SEMA6D: variants seen among roughly 807,000 people sequenced by gnomAD.
The protein encoded by SEMA6D is semaphorin 6D.
Under a neutral mutation model 106.6 loss-of-function variants are expected in SEMA6D, and 35 were observed. The observed-to-expected ratio is 0.33, with a 90% CI of 0.25 to 0.44. SEMA6D has a LOEUF of 0.44. Ranked by LOEUF, SEMA6D falls within the 20% of genes least tolerant of loss-of-function variation. SEMA6D has a pLI of 1.00. For synonymous variants in SEMA6D, 499 were observed against 487.7 expected (o/e 1.02, Z -0.31); for missense variants, 1,185 against 1,345.9 (o/e 0.88, Z 1.87).
intron 1 of SEMA6D, chr15:47,338,920 A>G (rs1397230717): frequency 6.6e-6 from 1 of 152,170 alleles, no homozygotes; most frequent in East Asian, 1.9e-4. Context: ...GCACCATACC[A>G]TAGAGGAAGG....
At chr15:47,761,860 G>A in intron 7 of SEMA6D, 109 bp downstream of exon 7, 1 of 954,808 alleles carries the variant, frequency 1.0e-6, no homozygotes, top group East Asian at 2.5e-5. Flanking sequence ...CTTGATCTAA[G>A]TGTTCGAAAG....
At chr15:47,255,823 T>A (rs1352440741) in intron 1 of SEMA6D, among the ~76,000 whole-genome samples, 4 of 152,222 alleles carry the variant, frequency 2.6e-5, no homozygotes, top group African/African-American at 7.2e-5. Context: ...ATAATTTTGT[T>A]TTACATACAT....
intron 2 of SEMA6D, among the ~76,000 whole-genome samples, chr15:47,466,743 G>T (rs1174633209): frequency 3.0e-4 from 44 of 147,956 alleles, no homozygotes; most frequent in African/African-American, 1.0e-3. Context: ...TTTTTTTTTG[G>T]AAATGGAGTC....
intron 4 of SEMA6D, among the ~76,000 whole-genome samples, chr15:47,686,530 A>T (rs1367519718): frequency 6.6e-6 from 1 of 152,232 alleles, no homozygotes; most frequent in Admixed American, 6.5e-5. Context: ...CTAAGTTGCT[A>T]ACATTATGGA....
At chr15:47,188,509 A>T (rs1467659673) in intron 1 of SEMA6D, among the ~76,000 whole-genome samples, 1 of 152,150 alleles carries the variant, frequency 6.6e-6, no homozygotes, top group Non-Finnish European at 1.5e-5. Flanking sequence ...AGTATTTTTA[A>T]TCTCAGGGGT....
chr15:47,593,361 G>A (rs1476394331), intron 3 of SEMA6D, among the ~76,000 whole-genome samples: 2 of 125,486 alleles, frequency 1.6e-5, no homozygotes, highest in East Asian at 2.4e-4. Flanking sequence ...AGCTGAGATC[G>A]CACCACTGCA....
At chr15:47,470,566 C>A (rs2042805907) in intron 3 of SEMA6D, 1 of 151,832 alleles carries the variant, frequency 6.6e-6, no homozygotes, top group Non-Finnish European at 1.5e-5. Context: ...AACTTTTTTG[C>A]AATTATGTCT....
chr15:47,577,858 G>C (rs1483841476), intron 3 of SEMA6D, among the ~76,000 whole-genome samples: 1 of 148,956 alleles, frequency 6.7e-6, no homozygotes, highest in African/African-American at 2.5e-5. Flanking sequence ...AAGTGAAAGG[G>C]AAGATATGTG....
chr15:47,300,731 A>G (rs1030819403), intron 1 of SEMA6D, among the ~76,000 whole-genome samples: 1 of 152,118 alleles, frequency 6.6e-6, no homozygotes, highest in Non-Finnish European at 1.5e-5. Context: ...GTGGACTTGC[A>G]TTTCCCCTGG....
chr15:47,270,396 A>G (rs2034503736), intron 1 of SEMA6D, among the ~76,000 whole-genome samples: 1 of 151,932 alleles, frequency 6.6e-6, no homozygotes, highest in South Asian at 2.1e-4. Context: ...CTACATAGAT[A>G]ATCATACCAT....
intron 1 of SEMA6D, among the ~76,000 whole-genome samples, chr15:47,236,197 A>C (rs2032527473): frequency 1.3e-5 from 2 of 152,106 alleles, no homozygotes; most frequent in Non-Finnish European, 2.9e-5. Context: ...AGGGAGAATC[A>C]TGTTCTTAGA....
chr15:47,250,328 A>AAC (rs2033441443), intron 1 of SEMA6D, among the ~76,000 whole-genome samples: 1 of 150,894 alleles, frequency 6.6e-6, no homozygotes, highest in Non-Finnish European at 1.5e-5. Flanking sequence ...AGAGCATTAA[A>AAC]AGAGAGAGAG....
At chr15:47,302,989 G>A (rs1451663452) in intron 1 of SEMA6D, among the ~76,000 whole-genome samples, 2 of 152,214 alleles carry the variant, frequency 1.3e-5, no homozygotes, top group African/African-American at 4.8e-5. Flanking sequence ...AATTCATGGC[G>A]AGGACACACC....
At chr15:47,767,672 T>C (rs2082416756) in intron 17 of SEMA6D, among the ~76,000 whole-genome samples, 1 of 152,214 alleles carries the variant, frequency 6.6e-6, no homozygotes, top group Non-Finnish European at 1.5e-5. Flanking sequence ...TGTACCTGTT[T>C]GGAGCCTCCT....
chr15:47,318,356 T>C (rs12904043), intron 1 of SEMA6D, among the ~76,000 whole-genome samples: 127,495 of 129,176 alleles, frequency 0.99, 62,936 homozygotes, highest in Middle Eastern at 1. Flanking sequence ...CATGCTGGTG[T>C]GCTGTACCCA....
At chr15:47,560,396 T>C (rs1226044646) in intron 3 of SEMA6D, among the ~76,000 whole-genome samples, 1 of 151,876 alleles carries the variant, frequency 6.6e-6, no homozygotes, top group African/African-American at 2.4e-5. Context: ...CAAAAGAGAA[T>C]TCTAGAGTTG....
chr15:47,393,609 G>A (rs890249998), intron 1 of SEMA6D: 25 of 152,154 alleles, frequency 1.6e-4, no homozygotes, highest in African/African-American at 5.8e-4. Flanking sequence ...TACAGCTTAT[G>A]TATAGGCCTT....
chr15:47,727,557 C>T (rs369561901), intron 1 of SEMA6D, among the ~76,000 whole-genome samples: 15 of 152,304 alleles, frequency 9.8e-5, no homozygotes, highest in African/African-American at 2.9e-4. Flanking sequence ...AGACCTCTTG[C>T]CTACGGCACG....
At chr15:47,605,767 T>C (rs1004489148) in intron 4 of SEMA6D, among the ~76,000 whole-genome samples, 2 of 152,168 alleles carry the variant, frequency 1.3e-5, no homozygotes, top group Admixed American at 6.5e-5. Context: ...TCATAGAAGG[T>C]ATGGGGGTTG....
Sources: gnomAD v4.1 joint callset for allele counts (sites outside exome capture counted in the v4.1 genomes callset) on GRCh38, gnomAD v4.1.1 for gene constraint, MANE v1.5 for transcripts, NCBI Gene and HGNC (gene_info 2026-07-23, HGNC 2026-07-21) for gene names.